SH2D4B: variants seen among roughly 807,000 people sequenced by gnomAD.
SH2D4B encodes SH2 domain-containing protein 4B.
SH2D4B carries 45 observed loss-of-function variants against 61.5 expected under a neutral mutation model. That is an observed-to-expected ratio of 0.73 (90% CI 0.58 to 0.94). The LOEUF (loss-of-function observed/expected upper bound fraction) is 0.94. SH2D4B is among the 40% of genes least tolerant of loss of function. The probability of loss-of-function intolerance (pLI) is 0.00; values close to 1 mark genes in which losing one functional copy is unlikely to be tolerated. For missense variants in SH2D4B, 572 were observed against 574.2 expected (o/e 1.00, Z 0.04); for synonymous variants, 224 against 220.4 (o/e 1.02, Z -0.14).
rs114549588 is a variant in SH2D4B at position 80,589,522 on chromosome 10, G to A, written c.643+745G>A. Among the ~76,000 whole-genome samples, 1,488 of 152,290 alleles carry A rather than the reference G, an allele frequency of 9.8e-3. 28 individuals carry two copies. Among genetic ancestry groups the A allele is most frequent in the African/African-American group, 0.032 (1,336 of 41,568 alleles). ...CCACAGCACTGCAGCCTGGGTAACA[G>A]AGTGAGACCTTGTCTCATATTCTAC... On this transcript the variant is annotated intron_variant, in intron 4 of 7. Transcript: ENST00000646907.
At chr10:80,624,042 C>T (rs1842746281) in intron 6 of SH2D4B, among the ~76,000 whole-genome samples, 1 of 152,118 alleles carries the variant, frequency 6.6e-6, no homozygotes, top group African/African-American at 2.4e-5. Context: ...ATCTAGTTTC[C>T]ACTCCCCCAG....
At chr10:80,560,346 T>A (rs1332921305) in intron 1 of SH2D4B, among the ~76,000 whole-genome samples, 1 of 151,880 alleles carries the variant, frequency 6.6e-6, no homozygotes, top group East Asian at 1.9e-4. Flanking sequence ...TCAATTCATG[T>A]ATAGGAATTA....
intron 1 of SH2D4B, among the ~76,000 whole-genome samples, chr10:80,552,069 C>A (rs12412927): frequency 6.6e-6 from 1 of 152,006 alleles, no homozygotes; most frequent in East Asian, 1.9e-4. Context: ...TTTTGTTGAC[C>A]TAATTACCTC....
At chr10:80,625,262 G>T (rs987834892) in intron 6 of SH2D4B, among the ~76,000 whole-genome samples, 2 of 151,908 alleles carry the variant, frequency 1.3e-5, no homozygotes, top group African/African-American at 4.8e-5. Flanking sequence ...TAATTTAGAC[G>T]ATTTAATATG....
intron 5 of SH2D4B, among the ~76,000 whole-genome samples, chr10:80,608,661 T>C (rs1378529204): frequency 6.6e-6 from 1 of 151,968 alleles, no homozygotes; most frequent in East Asian, 1.9e-4. Flanking sequence ...CTCCCTCGTC[T>C]AAACTCTTCC....
In SH2D4B at chr10:80,603,636, A is replaced by T; in HGVS notation, c.701A>T (p.Asp234Val). Residue 234 changes from aspartate (D) to valine (V), a missense_variant, in exon 5 of 8, where the codon GAC (aspartate) becomes GTC (valine). By Grantham distance (152) the Asp-to-Val change is radical (BLOSUM62 -3). Transcript: ENST00000646907. ...AGCCGCCGAGCCCAGCGCGCCCGGG[A>T]CGAGTACCGACACCACTCGCTCCGT... ...ERSRRAQRAR[D>V]EYRHHSLRAI... The T allele has an allele frequency of 6.3e-7, 1 of 1,598,334 alleles. No homozygotes were observed. The highest frequency in any genetic ancestry group is 2.3e-5 in the East Asian group (1 of 44,168).
chr10:80,569,577 G>A (rs1341550358), intron 1 of SH2D4B, among the ~76,000 whole-genome samples: 6 of 151,940 alleles, frequency 3.9e-5, no homozygotes, highest in African/African-American at 9.7e-5. Flanking sequence ...GGTGAGCAAT[G>A]ACTATGGACA....
chr10:80,548,292 G>A (rs1295415528), intron 1 of SH2D4B, among the ~76,000 whole-genome samples: 2 of 152,178 alleles, frequency 1.3e-5, no homozygotes, highest in Non-Finnish European at 2.9e-5. Flanking sequence ...AGCCTCCTGA[G>A]TAGCTGGGAT....
At chr10:80,593,031 T>C (rs7904867) in intron 4 of SH2D4B, among the ~76,000 whole-genome samples, 77,980 of 152,048 alleles carry the variant, frequency 0.51, 21,787 homozygotes, top group African/African-American at 0.75. Flanking sequence ...TTTCTGTACT[T>C]TCAATCCTGT....
chr10:80,574,348 C>A (rs1302701711), intron 3 of SH2D4B, among the ~76,000 whole-genome samples: 6 of 152,158 alleles, frequency 3.9e-5, no homozygotes, highest in African/African-American at 1.2e-4. Context: ...TGTTGCCCAG[C>A]TGGTCTTGAA....
intron 4 of SH2D4B, among the ~76,000 whole-genome samples, chr10:80,594,597 G>A (rs1295497449): frequency 2.0e-5 from 3 of 152,208 alleles, no homozygotes; most frequent in Non-Finnish European, 4.4e-5. Flanking sequence ...ACTCACTAGT[G>A]AAGACATCTA....
At chr10:80,626,589 A>G (rs1230995690) in intron 6 of SH2D4B, among the ~76,000 whole-genome samples, 1 of 152,124 alleles carries the variant, frequency 6.6e-6, no homozygotes, top group Non-Finnish European at 1.5e-5. Flanking sequence ...AGCTTCTCTC[A>G]TGTTAGATTT....
chr10:80,588,907 C>T, intron 4 of SH2D4B, 130 bp downstream of exon 4: 3 of 1,124,598 alleles, frequency 2.7e-6, no homozygotes, highest in Non-Finnish European at 3.8e-6. Context: ...TGGACCCGGC[C>T]ATGTGCTCAG....
chr10:80,619,433 C>T (rs937209444), intron 6 of SH2D4B, among the ~76,000 whole-genome samples: 1 of 152,250 alleles, frequency 6.6e-6, no homozygotes, highest in Non-Finnish European at 1.5e-5. Context: ...GTCAGTATGG[C>T]AGCCTCAGGT....
intron 7 of SH2D4B, among the ~76,000 whole-genome samples, chr10:80,635,469 T>G (rs1480737696): frequency 6.6e-6 from 1 of 152,198 alleles, no homozygotes; most frequent in Non-Finnish European, 1.5e-5. Flanking sequence ...CTCTTAGGTT[T>G]GTATTGCTTT....
chr10:80,541,308 T>C (rs1032182833), intron 1 of SH2D4B, among the ~76,000 whole-genome samples: 2 of 152,208 alleles, frequency 1.3e-5, no homozygotes, highest in Non-Finnish European at 2.9e-5. Flanking sequence ...TTTTCTGTTA[T>C]CTTGTTGTTT....
At chr10:80,569,040 A>G (rs1207858036) in intron 1 of SH2D4B, among the ~76,000 whole-genome samples, 23 of 152,264 alleles carry the variant, frequency 1.5e-4, no homozygotes, top group Non-Finnish European at 2.2e-4. Flanking sequence ...CTGTTTCAGC[A>G]GCACCCTGCT....
At chr10:80,623,840 G>T (rs1842744042) in intron 6 of SH2D4B, among the ~76,000 whole-genome samples, 1 of 152,158 alleles carries the variant, frequency 6.6e-6, no homozygotes, top group South Asian at 2.1e-4. Context: ...GTACTCCACT[G>T]GGTGTATCCG....
At chr10:80,599,720 C>A (rs1012861750) in intron 4 of SH2D4B, among the ~76,000 whole-genome samples, 1 of 152,140 alleles carries the variant, frequency 6.6e-6, no homozygotes, top group Non-Finnish European at 1.5e-5. Context: ...CCAAGTTTAG[C>A]TGTTGTCGAA....
Sources: allele counts gnomAD v4.1 joint callset (sites outside exome capture counted in the v4.1 genomes callset), GRCh38; gene constraint gnomAD v4.1.1; transcripts MANE v1.5; gene names NCBI Gene and HGNC (gene_info 2026-07-23, HGNC 2026-07-21).